Variants in CHST5 observed in about 807,000 individuals in gnomAD.
The protein encoded by CHST5 is GST4-alpha.
For synonymous variants in CHST5, 313 were observed against 279.2 expected (o/e 1.12, Z -1.21); for missense variants, 637 against 602.1 (o/e 1.06, Z -0.61).
At chr16:75,531,874 T>C (rs1440824980) in intron 3 of CHST5, among the ~76,000 whole-genome samples, 2 of 152,152 alleles carry the variant, frequency 1.3e-5, no homozygotes, top group African/African-American at 2.4e-5. Context: ...TTTCTCCAAA[T>C]GGCTGGGAAC....
intron 3 of CHST5, among the ~76,000 whole-genome samples, chr16:75,532,305 G>C (rs2080529800): frequency 6.6e-6 from 1 of 152,188 alleles, no homozygotes. Context: ...ATTTCTCACA[G>C]GGTGGAAGGA....
At position 75,530,532 on chromosome 16, in the gene CHST5, T is replaced by G. The variant is rs947565338; in HGVS notation, c.-148A>C. 6.9e-7 allele frequency: 1 copy of G among 1,440,556 alleles called. No homozygotes were observed. Among genetic ancestry groups the G allele is most frequent in the Non-Finnish European group, 9.1e-7 (1 of 1,095,032 alleles). 89.2% of individuals were successfully genotyped at this position (1,440,556 alleles called of 1,614,324 possible). On this transcript the variant is annotated 5_prime_UTR_variant, in exon 4 of 4. Coordinates refer to ENST00000336257, the MANE Select transcript of CHST5 (RefSeq NM_024533.5). ...AAGACATAGGCCAGAATATAGTCTGTGCTCACAGCAGAAGTCCAGTTGCAG... is the reference window on the plus strand; with the variant it reads ...AAGACATAGGCCAGAATATAGTCTGGGCTCACAGCAGAAGTCCAGTTGCAG...
Position 75,534,535 on chromosome 16 carries a change from T to G in CHST5, c.-1352+592A>C, listed in dbSNP as rs78721030. Among the ~76,000 whole-genome samples the G allele has an allele frequency of 5.3e-5, 8 of 152,034 alleles. No homozygotes were observed. In the East Asian group the frequency reaches 1.5e-3, roughly 29 times the overall value. ...GGCGGGCGTCTGTAATCCCACCTAC[T>G]CCAGAGGCTGAGGCAGGAAATCACC... On this transcript the variant is annotated intron_variant, in intron 2 of 3. Coordinates refer to ENST00000336257, the MANE Select transcript of CHST5 (RefSeq NM_024533.5).
rs1474273382 is a variant in CHST5, at chr16:75,529,353, C to A, written c.1032G>T (p.Ser344=). 1 of 1,613,212 alleles carries A rather than the reference C, an allele frequency of 6.2e-7. No homozygotes were observed. ...GGGAGACGTTGCGCGCATTCCTAGA[C>A]GAAGTATGGAAGGCCTCGATTGGCT... ...IGKPIEAFHT[S]SRNARNVSQA... The change falls in exon 4 of 4, where the codon TCG becomes TCT. Residue 344 remains serine, a synonymous_variant. Transcript: ENST00000336257.
intron 3 of CHST5, 119 bp from the exon 4 acceptor site, chr16:75,531,759 T>G: frequency 1.7e-6 from 1 of 598,210 alleles, no homozygotes; most frequent in South Asian, 1.7e-5. Context: ...GGATAACTCG[T>G]AGAGAGACCC....
chr16:75,533,667 G>A (rs2080541177), intron 2 of CHST5, among the ~76,000 whole-genome samples: 1 of 152,152 alleles, frequency 6.6e-6, no homozygotes, highest in African/African-American at 2.4e-5. Flanking sequence ...TTACAGGCGT[G>A]AGCCATAGCG....
rs571535176 is a variant in CHST5 at position 75,530,416 on chromosome 16, G to A, written c.-32C>T. 2.0e-6 allele frequency: 3 copies of A among 1,485,908 alleles called. No individual in the cohort carries two copies. Among genetic ancestry groups the A allele is most frequent in the Admixed American group, 4.8e-5 (2 of 41,876 alleles). 92.0% of individuals were successfully genotyped at this position (1,485,908 alleles called of 1,614,324 possible). A position where few individuals can be genotyped will look rare whatever the true frequency, so the allele number is the denominator to read the frequency against. ...CCCCAATTACTGCCCAGTGCCCTCA[G>A]GGATCAGCCCTCAGATTCGGCTACC... On this transcript the variant is annotated 5_prime_UTR_variant, in exon 4 of 4. Coordinates refer to ENST00000336257, the MANE Select transcript of CHST5 (RefSeq NM_024533.5).
In CHST5 at chr16:75,529,090, G is replaced by A; in HGVS notation, c.*59C>T. 1.3e-6 allele frequency: 2 copies of A among 1,497,748 alleles called. No individual in the cohort carries two copies. Among genetic ancestry groups the A allele is most frequent in the African/African-American group, 1.4e-5 (1 of 71,542 alleles). The allele number at this position is 1,497,748 out of a possible 1,614,324, so 92.8% of individuals were successfully genotyped here. On this transcript the variant is annotated 3_prime_UTR_variant, in exon 4 of 4. Coordinates refer to ENST00000336257, the MANE Select transcript of CHST5 (RefSeq NM_024533.5). ...TGCGCCCCAGCTCCCTCTCCACCAT[G>A]CAGTCGCCTCCTGGGCCTGGCGACC... is the stretch of plus-strand genomic sequence containing the variant.
At chr16:75,534,473 G>A (rs757391304) in intron 2 of CHST5, among the ~76,000 whole-genome samples, 5 of 152,158 alleles carry the variant, frequency 3.3e-5, no homozygotes, top group Non-Finnish European at 5.9e-5. Context: ...GTGAAACACC[G>A]TCTCTAGTAA....
At chr16:75,531,912 G>C (rs1303537094) in intron 3 of CHST5, among the ~76,000 whole-genome samples, 2 of 152,162 alleles carry the variant, frequency 1.3e-5, no homozygotes, top group East Asian at 3.8e-4. Flanking sequence ...GGATGGAAGC[G>C]AGAGAGCTGG....
In CHST5 at chr16:75,530,446, C is replaced by G. The variant is rs1214164746; in HGVS notation, c.-62G>C. The G allele has an allele frequency of 6.2e-6, 9 of 1,462,308 alleles. No individual in the cohort carries two copies. In the East Asian group the frequency reaches 2.2e-4, roughly 36 times the overall value. 90.6% of individuals were successfully genotyped at this position (1,462,308 alleles called of 1,614,324 possible). A position where few individuals can be genotyped will look rare whatever the true frequency, so the allele number is the denominator to read the frequency against. On this transcript the variant is annotated 5_prime_UTR_variant, in exon 4 of 4. Coordinates refer to ENST00000336257, the MANE Select transcript of CHST5 (RefSeq NM_024533.5). ...CAGCCCTCAGATTCGGCTACCCTAC[C>G]CATTGGACTTCCCAAGACTCCCAAG...
chr16:75,532,772 G>C (rs2080534318), intron 3 of CHST5, among the ~76,000 whole-genome samples: 1 of 152,248 alleles, frequency 6.6e-6, no homozygotes, highest in Non-Finnish European at 1.5e-5. Context: ...CATATTTGCT[G>C]ACTTCAATGA....
intron 2 of CHST5, among the ~76,000 whole-genome samples, chr16:75,533,778 C>T (rs571555265): frequency 7.9e-5 from 12 of 152,084 alleles, no homozygotes; most frequent in African/African-American, 9.7e-5. Flanking sequence ...CAGTGGCTTA[C>T]GCCCGTAATC....
At chr16:75,532,680 C>A (rs952201231) in intron 3 of CHST5, among the ~76,000 whole-genome samples, 10 of 152,214 alleles carry the variant, frequency 6.6e-5, no homozygotes, top group African/African-American at 2.4e-4. Context: ...ACCTCCGCTA[C>A]AAGTGCAACT....
At chr16:75,531,720 C>A in intron 3 of CHST5, 80 bp from the exon 4 acceptor site, 2 of 1,028,126 alleles carry the variant, frequency 1.9e-6, no homozygotes, top group Non-Finnish European at 2.7e-6. Flanking sequence ...AGGGTGGGAA[C>A]AGAGCTGTCC....
intron 2 of CHST5, among the ~76,000 whole-genome samples, chr16:75,533,689 T>C (rs1445170003): frequency 6.6e-6 from 1 of 151,700 alleles, no homozygotes; most frequent in African/African-American, 2.4e-5. Flanking sequence ...CTGGCCAAAA[T>C]GCAATTCTTG....
rs757392649 is a variant in CHST5, at chr16:75,529,752, G to A, written c.633C>T (p.Ser211=). 4.3e-6 allele frequency: 7 copies of A among 1,613,254 alleles called. 1 individual carries two copies. Among genetic ancestry groups the A allele is most frequent in the South Asian group, 2.2e-5 (2 of 91,090 alleles). ...CGATGCGCAGGTTGAGCGCGGGGTC[G>A]CTGAGCAGCGGGTAGAGCACCTGCA... ...FNLQVLYPLL[S]DPALNLRIVH... Residue 211 remains serine (S), a synonymous_variant, in exon 4 of 4, where the codon AGC becomes AGT. Coordinates refer to ENST00000336257, the MANE Select transcript of CHST5 (RefSeq NM_024533.5).
rs2080487887 is a variant in CHST5 at position 75,529,206 on chromosome 16, G to A, written c.1179C>T (p.Thr393=). The A allele has an allele frequency of 6.2e-7, 1 of 1,610,844 alleles. No homozygotes were observed. The highest frequency in any genetic ancestry group is 1.7e-5 in the Admixed American group (1 of 59,888). ...VYSADQQRDL[T]LDLVLPRGPD... The stretch of plus-strand genomic sequence containing the variant: ...GGCCTCGTGGCAGCACCAGATCCAG[G>A]GTGAGGTCACGCTGCTGGTCCGCAG... Residue 393 remains threonine (T), a synonymous_variant, in exon 4 of 4, where the codon ACC becomes ACT. Coordinates refer to ENST00000336257, the MANE Select transcript of CHST5 (RefSeq NM_024533.5).
In CHST5 at chr16:75,529,051, G is replaced by C. The variant is rs1295426271; in HGVS notation, c.*98C>G. 4 of 1,330,118 alleles carry C rather than the reference G, an allele frequency of 3.0e-6. No homozygotes were observed. The highest frequency in any genetic ancestry group is 1.5e-5 in the African/African-American group (1 of 68,158). The allele number at this position is 1,330,118 out of a possible 1,614,324, so 82.4% of individuals were successfully genotyped here. A position where few individuals can be genotyped will look rare whatever the true frequency, so the allele number is the denominator to read the frequency against. ...CCCCAAACTCCCGGTTGATAGTAGGGACCTGCTTCCCCATGCGCCCCAGCT... is the reference window on the plus strand; with the variant it reads ...CCCCAAACTCCCGGTTGATAGTAGGCACCTGCTTCCCCATGCGCCCCAGCT... On this transcript the variant is annotated 3_prime_UTR_variant, in exon 4 of 4. Coordinates refer to ENST00000336257, the MANE Select transcript of CHST5 (RefSeq NM_024533.5).
Sources: gnomAD v4.1 joint callset for allele counts (sites outside exome capture counted in the v4.1 genomes callset) on GRCh38, gnomAD v4.1.1 for gene constraint, MANE v1.5 for transcripts, NCBI Gene and HGNC (gene_info 2026-07-23, HGNC 2026-07-21) for gene names.